The following ASCC3 variants were observed in gnomAD, a reference collection of about 807,000 sequenced individuals.
ASCC3 encodes the protein ASC-1 complex subunit P200.
Under a neutral mutation model 256.3 loss-of-function variants are expected in ASCC3, and 158 were observed. The observed-to-expected ratio is 0.62, with a 90% CI of 0.54 to 0.70. ASCC3 has a LOEUF of 0.70. Ranked by LOEUF, ASCC3 falls within the 30% of genes least tolerant of loss-of-function variation. ASCC3 has a pLI of 0.00. For synonymous variants in ASCC3, 948 were observed against 883.4 expected (o/e 1.07, Z -1.30); for missense variants, 2,259 against 2,626.0 (o/e 0.86, Z 3.05).
At chr6:100,694,827 G>A (rs1043866675) in intron 13 of ASCC3, among the ~76,000 whole-genome samples, 1 of 152,048 alleles carries the variant, frequency 6.6e-6, no homozygotes, top group African/African-American at 2.4e-5. Flanking sequence ...TACATATAGT[G>A]GGATGAAGGA....
chr6:100,552,618 A>G (rs1166356252), intron 36 of ASCC3, among the ~76,000 whole-genome samples: 6 of 152,072 alleles, frequency 3.9e-5, no homozygotes, highest in Non-Finnish European at 1.5e-5. Flanking sequence ...TCACAAAAGT[A>G]CATCAATGTG....
chr6:100,737,029 C>T (rs1257577252), intron 10 of ASCC3, among the ~76,000 whole-genome samples: 1 of 151,916 alleles, frequency 6.6e-6, no homozygotes, highest in African/African-American at 2.4e-5. Context: ...CGCCTGTAGT[C>T]CCAGCTACTC....
chr6:100,702,669 A>C (rs1333952823), intron 13 of ASCC3, among the ~76,000 whole-genome samples: 1 of 152,180 alleles, frequency 6.6e-6, no homozygotes, highest in Non-Finnish European at 1.5e-5. Flanking sequence ...AAGAGATTAG[A>C]GGATAAAGAA....
At chr6:100,797,490 A>C (rs7758556) in intron 8 of ASCC3, among the ~76,000 whole-genome samples, 55,704 of 126,740 alleles carry the variant, frequency 0.44, 11,233 homozygotes, top group Middle Eastern at 0.57. Flanking sequence ...AAAAAAAAAA[A>C]AACTTAAAAT....
At chr6:100,545,691 G>A (rs1267517145) in intron 36 of ASCC3, among the ~76,000 whole-genome samples, 2 of 152,220 alleles carry the variant, frequency 1.3e-5, no homozygotes, top group South Asian at 2.1e-4. Context: ...TCCTGGGCTC[G>A]TTATCCTCTC....
intron 11 of ASCC3, among the ~76,000 whole-genome samples, chr6:100,723,862 A>T (rs1326753884): frequency 4.1e-3 from 26 of 6,400 alleles, no homozygotes; most frequent in African/African-American, 0.012. Context: ...TTAGGGAATT[A>T]TATATATATA....
chr6:100,591,768 G>A (rs1419056560), intron 34 of ASCC3, among the ~76,000 whole-genome samples: 3 of 151,776 alleles, frequency 2.0e-5, no homozygotes, highest in South Asian at 2.1e-4. Context: ...TTACTAGGTC[G>A]TTTGAAAACT....
intron 17 of ASCC3, among the ~76,000 whole-genome samples, chr6:100,654,519 T>A (rs1026175817): frequency 1.3e-5 from 2 of 152,102 alleles, no homozygotes; most frequent in African/African-American, 4.8e-5. Flanking sequence ...CAAAACATTT[T>A]CATAGTGCCA....
chr6:100,602,241 T>C (rs912837987), intron 33 of ASCC3, among the ~76,000 whole-genome samples: 2 of 152,002 alleles, frequency 1.3e-5, no homozygotes, highest in Non-Finnish European at 2.9e-5. Context: ...TAAAGAAGTA[T>C]GTTATAATTT....
chr6:100,876,356 T>C (rs1047748280), intron 1 of ASCC3, among the ~76,000 whole-genome samples: 2 of 152,100 alleles, frequency 1.3e-5, no homozygotes, highest in African/African-American at 2.4e-5. Context: ...CCCACAATAA[T>C]AGAAGAAATA....
chr6:100,839,269 C>A (rs116017447), intron 4 of ASCC3, among the ~76,000 whole-genome samples: 3 of 152,014 alleles, frequency 2.0e-5, no homozygotes, highest in Non-Finnish European at 2.9e-5. Flanking sequence ...TTGTTAGATA[C>A]CTTTTATGTC....
intron 13 of ASCC3, among the ~76,000 whole-genome samples, chr6:100,689,868 A>G (rs1777758978): frequency 6.6e-6 from 1 of 152,144 alleles, no homozygotes; most frequent in Non-Finnish European, 1.5e-5. Flanking sequence ...AAATACATGT[A>G]TGCGTATTTT....
chr6:100,630,106 TCTCCAA>T (rs1483266538), intron 26 of ASCC3, among the ~76,000 whole-genome samples: 3 of 151,966 alleles, frequency 2.0e-5, no homozygotes, highest in East Asian at 3.9e-4. Flanking sequence ...GCCAGGCTGG[TCTCCAA>T]CTCCTTTTCT....
chr6:100,875,421 T>A (rs1257920579), intron 1 of ASCC3, among the ~76,000 whole-genome samples: 1 of 152,222 alleles, frequency 6.6e-6, no homozygotes, highest in Non-Finnish European at 1.5e-5. Flanking sequence ...CTATCAGAGG[T>A]CTGGGCTGGA....
intron 8 of ASCC3, among the ~76,000 whole-genome samples, chr6:100,778,231 A>ATACATC (rs1782282257): frequency 6.6e-6 from 1 of 152,184 alleles, no homozygotes; most frequent in African/African-American, 2.4e-5. Flanking sequence ...AGTACCTATT[A>ATACATC]TACATCTAAG....
intron 5 of ASCC3, among the ~76,000 whole-genome samples, chr6:100,804,011 C>T (rs1353244452): frequency 2.0e-5 from 3 of 152,058 alleles, no homozygotes; most frequent in Non-Finnish European, 4.4e-5. Flanking sequence ...ACCTGAGTTT[C>T]GCATCAGCTA....
At chr6:100,844,866 G>A (rs1450423350) in intron 4 of ASCC3, among the ~76,000 whole-genome samples, 3 of 151,970 alleles carry the variant, frequency 2.0e-5, no homozygotes, top group Non-Finnish European at 4.4e-5. Flanking sequence ...AATTCCCTGA[G>A]GAATAATTAA....
At chr6:100,705,047 G>A (rs903490054) in intron 13 of ASCC3, among the ~76,000 whole-genome samples, 1 of 152,062 alleles carries the variant, frequency 6.6e-6, no homozygotes, top group Non-Finnish European at 1.5e-5. Flanking sequence ...GTAACACAAA[G>A]AGAAGCTTAC....
intron 37 of ASCC3, among the ~76,000 whole-genome samples, chr6:100,536,481 C>T (rs192129723): frequency 5.2e-4 from 79 of 152,158 alleles, no homozygotes; most frequent in African/African-American, 1.8e-3. Flanking sequence ...GCAGCAAGCA[C>T]CCAGATTTTC....
Sources: allele counts gnomAD v4.1 joint callset (sites outside exome capture counted in the v4.1 genomes callset), GRCh38; gene constraint gnomAD v4.1.1; transcripts MANE v1.5; gene names NCBI Gene and HGNC (gene_info 2026-07-23, HGNC 2026-07-21).